CCSER1: variants seen among roughly 807,000 people sequenced by gnomAD.
The protein encoded by CCSER1 is serine-rich coiled-coil domain-containing protein 1.
Under a neutral mutation model 82.0 loss-of-function variants are expected in CCSER1, and 41 were observed. That is an observed-to-expected ratio of 0.50 (90% CI 0.39 to 0.65). CCSER1 has a LOEUF of 0.65. Among genes scored for constraint, CCSER1 ranks in the 30% least tolerant of loss-of-function variants. CCSER1 has a pLI of 0.00. For missense variants in CCSER1, 1,119 were observed against 1,064.2 expected (o/e 1.05, Z -0.72); for synonymous variants, 414 against 383.9 (o/e 1.08, Z -0.92).
chr4:90,232,661 G>T (rs1490782805), intron 1 of CCSER1, among the ~76,000 whole-genome samples: 2 of 140,452 alleles, frequency 1.4e-5, no homozygotes, highest in African/African-American at 5.5e-5. Flanking sequence ...CACAGCAAAA[G>T]AAACTACCAT....
chr4:90,355,399 G>A (rs1480179223), intron 3 of CCSER1, among the ~76,000 whole-genome samples: 1 of 151,956 alleles, frequency 6.6e-6, no homozygotes, highest in East Asian at 1.9e-4. Flanking sequence ...CTTACTTTGT[G>A]TTAGGTCTCC....
At chr4:90,486,879 T>A (rs148719217) in intron 5 of CCSER1, among the ~76,000 whole-genome samples, 3 of 152,226 alleles carry the variant, frequency 2.0e-5, no homozygotes, top group Non-Finnish European at 4.4e-5. Context: ...TACTAGACTT[T>A]ATGCTAGCTA....
chr4:90,157,217 C>A (rs1225119610), intron 1 of CCSER1, among the ~76,000 whole-genome samples: 3 of 152,150 alleles, frequency 2.0e-5, no homozygotes, highest in African/African-American at 7.2e-5. Flanking sequence ...TCTCTTCTGG[C>A]TTGTAGAGTT....
intron 10 of CCSER1, among the ~76,000 whole-genome samples, chr4:91,415,604 G>C (rs1753311645): frequency 6.6e-6 from 1 of 152,202 alleles, no homozygotes; most frequent in South Asian, 2.1e-4. Flanking sequence ...AGTTTATTGA[G>C]AGTTTTTACC....
At chr4:90,438,034 A>G (rs962598998) in intron 4 of CCSER1, among the ~76,000 whole-genome samples, 2 of 152,130 alleles carry the variant, frequency 1.3e-5, no homozygotes, top group Non-Finnish European at 2.9e-5. Flanking sequence ...GTAAAATGCA[A>G]TAATAATAAT....
At chr4:90,804,309 T>A (rs1757225181) in intron 7 of CCSER1, among the ~76,000 whole-genome samples, 2 of 152,202 alleles carry the variant, frequency 1.3e-5, no homozygotes, top group South Asian at 4.1e-4. Context: ...TTGAATGGTA[T>A]TGCCCAAGTT....
intron 8 of CCSER1, chr4:90,911,206 T>A: frequency 2.3e-6 from 1 of 433,408 alleles, no homozygotes; most frequent in South Asian, 1.7e-5. Context: ...GTTAGCAATT[T>A]TCTACAACAA....
intron 4 of CCSER1, among the ~76,000 whole-genome samples, chr4:90,422,651 A>G (rs1276008923): frequency 6.6e-6 from 1 of 152,164 alleles, no homozygotes; most frequent in South Asian, 2.1e-4. Flanking sequence ...GAAAACAGAA[A>G]AAAAAACACC....
At chr4:90,702,410 CA>C (rs1206273344) in intron 6 of CCSER1, among the ~76,000 whole-genome samples, 3 of 152,100 alleles carry the variant, frequency 2.0e-5, no homozygotes, top group Non-Finnish European at 4.4e-5. Flanking sequence ...CGATGTTCAT[CA>C]GGGATATTGG....
intron 10 of CCSER1, among the ~76,000 whole-genome samples, chr4:91,520,421 T>A (rs563886497): frequency 1.3e-5 from 2 of 152,054 alleles, no homozygotes; most frequent in East Asian, 1.9e-4. Flanking sequence ...TTCAATATAG[T>A]TTTTTCCCTA....
intron 6 of CCSER1, among the ~76,000 whole-genome samples, chr4:90,654,196 T>C (rs1382716203): frequency 1.3e-5 from 2 of 152,186 alleles, no homozygotes; most frequent in African/African-American, 4.8e-5. Context: ...TGTTATAGTA[T>C]AAAATTGAAA....
intron 7 of CCSER1, among the ~76,000 whole-genome samples, chr4:90,759,511 G>A (rs1750099792): frequency 2.0e-5 from 3 of 152,102 alleles, no homozygotes; most frequent in African/African-American, 4.8e-5. Flanking sequence ...TCTTTGCAAA[G>A]GAAACAAACA....
At chr4:91,443,946 T>C (rs1023928869) in intron 10 of CCSER1, among the ~76,000 whole-genome samples, 3 of 151,976 alleles carry the variant, frequency 2.0e-5, no homozygotes, top group African/African-American at 4.8e-5. Context: ...TTATTGAATC[T>C]GAGGAGAGCT....
intron 10 of CCSER1, among the ~76,000 whole-genome samples, chr4:91,544,852 T>G (rs1271457530): frequency 1.3e-5 from 2 of 152,174 alleles, no homozygotes. Context: ...CAGGGACATT[T>G]AAGTCTGCAG....
At chr4:91,042,060 G>A (rs1006718772) in intron 9 of CCSER1, among the ~76,000 whole-genome samples, 6 of 152,092 alleles carry the variant, frequency 3.9e-5, no homozygotes, top group Admixed American at 1.3e-4. Context: ...ATATTGTCTC[G>A]TTTTTATGGT....
At chr4:90,249,211 A>G (rs1721951218) in intron 1 of CCSER1, among the ~76,000 whole-genome samples, 1 of 152,230 alleles carries the variant, frequency 6.6e-6, no homozygotes. Flanking sequence ...CTTACTTGCC[A>G]TGTTTAAAAA....
At chr4:91,519,204 C>T (rs1167145088) in intron 10 of CCSER1, among the ~76,000 whole-genome samples, 1 of 152,142 alleles carries the variant, frequency 6.6e-6, no homozygotes, top group Non-Finnish European at 1.5e-5. Flanking sequence ...AACAGTCCTG[C>T]CACTTTTCCA....
intron 10 of CCSER1, among the ~76,000 whole-genome samples, chr4:91,214,980 C>T (rs1195344702): frequency 1.3e-5 from 2 of 151,866 alleles, no homozygotes; most frequent in African/African-American, 4.8e-5. Flanking sequence ...ATCTTCTTGT[C>T]TACAGAAAAT....
chr4:91,225,784 A>T (rs564124838), intron 10 of CCSER1, among the ~76,000 whole-genome samples: 5 of 151,932 alleles, frequency 3.3e-5, no homozygotes, highest in Non-Finnish European at 7.4e-5. Flanking sequence ...TCTGTGCGAC[A>T]TTGGGTAAAT....
Sources: gnomAD v4.1 joint callset for allele counts (sites outside exome capture counted in the v4.1 genomes callset) on GRCh38, gnomAD v4.1.1 for gene constraint, MANE v1.5 for transcripts, NCBI Gene and HGNC (gene_info 2026-07-23, HGNC 2026-07-21) for gene names.